Variants in SDC2 observed in about 807,000 individuals in gnomAD.
The protein encoded by SDC2 is syndecan-2.
Under a neutral mutation model 22.2 loss-of-function variants are expected in SDC2, and 13 were observed. The ratio of observed to expected loss-of-function variants is 0.59; its 90% CI spans 0.38 to 0.93. SDC2 has a LOEUF of 0.93. Ranked by LOEUF, SDC2 falls within the 40% of genes least tolerant of loss-of-function variation. The probability of loss-of-function intolerance (pLI) is 0.00; values close to 1 mark genes in which losing one functional copy is unlikely to be tolerated. For synonymous variants in SDC2, 94 were observed against 92.8 expected (o/e 1.01, Z -0.07); for missense variants, 235 against 246.8 (o/e 0.95, Z 0.32).
intron 2 of SDC2, among the ~76,000 whole-genome samples, chr8:96,595,839 G>C (rs1490064456): frequency 1.3e-5 from 2 of 152,200 alleles, no homozygotes; most frequent in Non-Finnish European, 2.9e-5. Flanking sequence ...TTGAAGTCCT[G>C]AACCCACTGA....
intron 1 of SDC2, among the ~76,000 whole-genome samples, chr8:96,525,529 C>G (rs191666156): frequency 6.6e-6 from 1 of 152,128 alleles, no homozygotes; most frequent in African/African-American, 2.4e-5. Flanking sequence ...GCCCTTGCTG[C>G]TTTATATGAG....
At chr8:96,564,873 T>C (rs1178165533) in intron 1 of SDC2, among the ~76,000 whole-genome samples, 1 of 152,092 alleles carries the variant, frequency 6.6e-6, no homozygotes, top group Non-Finnish European at 1.5e-5. Flanking sequence ...TTGTTTAGAA[T>C]ACCAGCTTTT....
At position 96,535,006 on chromosome 8, in the gene SDC2, AT is replaced by A. The variant is rs774258378; in HGVS notation, c.60+40689del. On this transcript the variant is annotated intron_variant, in intron 1 of 4. Transcript: ENST00000302190. The stretch of plus-strand genomic sequence containing the variant: ...TGGAATTTCAGATAAATGCCAAACA[AT>A]TTTTTTTTTTTTTCGAGTCAGAGTC... Among the ~76,000 whole-genome samples the A allele has an allele frequency of 1.9e-3, 269 of 142,684 alleles. 1 individual carries two copies. The highest frequency in any genetic ancestry group is 0.011 in the Middle Eastern group (3 of 266). 93.6% of individuals were successfully genotyped at this position (142,684 alleles called of 152,430 possible).
chr8:96,504,688 G>A (rs1464505543), intron 1 of SDC2, among the ~76,000 whole-genome samples: 7 of 152,110 alleles, frequency 4.6e-5, no homozygotes, highest in Admixed American at 2.0e-4. Context: ...ATATGTTTAT[G>A]TATAAATATA....
At chr8:96,608,622 C>T (rs1483858747) in intron 4 of SDC2, 152 bp downstream of exon 4, 4 of 660,988 alleles carry the variant, frequency 6.1e-6, no homozygotes, top group African/African-American at 3.7e-5. Context: ...GCAAGAGGCT[C>T]AGCAAACATT....
chr8:96,590,133 T>A (rs1814754200), intron 1 of SDC2, among the ~76,000 whole-genome samples: 1 of 152,226 alleles, frequency 6.6e-6, no homozygotes. Flanking sequence ...TTCCACAGCC[T>A]TCCTTTGCTC....
At chr8:96,494,425 C>T (rs1339484587) in intron 1 of SDC2, 94 bp downstream of exon 1, 3 of 1,205,440 alleles carry the variant, frequency 2.5e-6, no homozygotes, top group Non-Finnish European at 3.5e-6. Context: ...ACCTGGGGAA[C>T]CCCCAGTCCC....
chr8:96,513,109 T>C (rs947160084), intron 1 of SDC2, among the ~76,000 whole-genome samples: 2 of 152,208 alleles, frequency 1.3e-5, no homozygotes, highest in Admixed American at 6.5e-5. Context: ...AAAAGCATAC[T>C]ACATCCTGCT....
chr8:96,545,969 A>G (rs913491417), intron 1 of SDC2, among the ~76,000 whole-genome samples: 6 of 152,240 alleles, frequency 3.9e-5, no homozygotes, highest in Non-Finnish European at 8.8e-5. Context: ...CCCTGAGGTG[A>G]TGCGTGCAGC....
At chr8:96,590,637 A>AT (rs1814765762) in intron 1 of SDC2, among the ~76,000 whole-genome samples, 2 of 151,294 alleles carry the variant, frequency 1.3e-5, no homozygotes, top group South Asian at 2.1e-4. Context: ...GTTTTTTTTT[A>AT]TTTTTTATTT....
intron 3 of SDC2, among the ~76,000 whole-genome samples, chr8:96,606,637 T>TTG: frequency 6.6e-6 from 1 of 152,232 alleles, no homozygotes; most frequent in Admixed American, 6.5e-5. Flanking sequence ...GTCAGACCAA[T>TTG]TGAAATGGAA....
At chr8:96,498,555 C>T (rs1290014990) in intron 1 of SDC2, among the ~76,000 whole-genome samples, 4 of 151,936 alleles carry the variant, frequency 2.6e-5, no homozygotes, top group Middle Eastern at 3.4e-3. Flanking sequence ...CACCTCACTG[C>T]AGCCACCTCA....
chr8:96,523,770 A>G (rs1813534388), intron 1 of SDC2, among the ~76,000 whole-genome samples: 1 of 152,200 alleles, frequency 6.6e-6, no homozygotes, highest in Admixed American at 6.5e-5. Context: ...GAATCCATCC[A>G]AAAAAAGACG....
intron 1 of SDC2, among the ~76,000 whole-genome samples, chr8:96,518,746 C>T (rs1401516787): frequency 3.3e-5 from 5 of 152,156 alleles, no homozygotes; most frequent in Non-Finnish European, 7.3e-5. Flanking sequence ...GAATTTAGAA[C>T]TATAGGCTTT....
chr8:96,508,631 A>C (rs1282460201), intron 1 of SDC2, among the ~76,000 whole-genome samples: 2 of 142,610 alleles, frequency 1.4e-5, no homozygotes, highest in African/African-American at 5.0e-5. Context: ...AACATTAAAA[A>C]TTACCATTAC....
chr8:96,585,853 GTTTTTTTTT>G (rs199970598), intron 1 of SDC2, among the ~76,000 whole-genome samples: 3 of 145,428 alleles, frequency 2.1e-5, no homozygotes, highest in African/African-American at 7.7e-5. Flanking sequence ...CTGGCAAGAG[GTTTTTTTTT>G]TTTTTTTTTT....
At position 96,576,392 on chromosome 8, in the gene SDC2, TTACCAGATTTGCTTTATTATTCTC is replaced by T. The variant is rs1389713922; in HGVS notation, c.61-17086_61-17063del. The stretch of plus-strand genomic sequence containing the variant: ...TGTTTTTGTTTTGTTTTGTTTTTTT[TTACCAGATTTGCTTTATTATTCTC>T]TTTTTTTTTTTTTTTTTTTTTGAGA... On this transcript the variant is annotated intron_variant, in intron 1 of 4. Transcript: ENST00000302190. Among the ~76,000 whole-genome samples, 15 of 100,562 alleles carry T rather than the reference TTACCAGATTTGCTTTATTATTCTC, an allele frequency of 1.5e-4. 1 individual carries two copies. The highest frequency in any genetic ancestry group is 5.7e-4 in the African/African-American group (14 of 24,658). The allele number at this position is 100,562 out of a possible 152,430, so 66.0% of individuals were successfully genotyped here. A position where few individuals can be genotyped will look rare whatever the true frequency, so the allele number is the denominator to read the frequency against.
chr8:96,575,900 G>C (rs566310011), intron 1 of SDC2, among the ~76,000 whole-genome samples: 67 of 152,294 alleles, frequency 4.4e-4, no homozygotes, highest in African/African-American at 1.3e-3. Context: ...TGATAAGGAA[G>C]TTCCTTACTG....
chr8:96,554,379 C>T (rs532588072), intron 1 of SDC2, among the ~76,000 whole-genome samples: 3 of 151,792 alleles, frequency 2.0e-5, no homozygotes, highest in East Asian at 1.9e-4. Context: ...TTAGGCTATT[C>T]GTGTAAAACT....
Sources: gnomAD v4.1 joint callset for allele counts (sites outside exome capture counted in the v4.1 genomes callset) on GRCh38, gnomAD v4.1.1 for gene constraint, MANE v1.5 for transcripts, NCBI Gene and HGNC (gene_info 2026-07-23, HGNC 2026-07-21) for gene names.